DNAH8: variants seen among roughly 807,000 people sequenced by gnomAD.
The protein encoded by DNAH8 is axonemal beta dynein heavy chain 8.
A neutral mutation model predicts 562.1 loss-of-function variants in DNAH8; 382 were observed. The ratio of observed to expected loss-of-function variants is 0.68; its 90% CI spans 0.63 to 0.74. The LOEUF (loss-of-function observed/expected upper bound fraction) is 0.74. DNAH8 is among the 30% of genes least tolerant of loss of function. The pLI is 0.00. For missense variants in DNAH8, 5,203 were observed against 5,620.4 expected (o/e 0.93, Z 2.37); for synonymous variants, 1,881 against 1,919.4 (o/e 0.98, Z 0.52).
At chr6:38,866,060 T>C (rs1777007461) in intron 45 of DNAH8, among the ~76,000 whole-genome samples, 1 of 152,292 alleles carries the variant, frequency 6.6e-6, no homozygotes, top group South Asian at 2.1e-4. Context: ...TTCCCATCAT[T>C]CCCTTCTTTA....
At chr6:38,880,825 C>T (rs1008388876) in intron 53 of DNAH8, among the ~76,000 whole-genome samples, 2 of 152,262 alleles carry the variant, frequency 1.3e-5, no homozygotes, top group Non-Finnish European at 2.9e-5. Flanking sequence ...GTCAGCACTT[C>T]GAGACCAGCC....
At chr6:38,986,718 A>G (rs1378910972) in intron 87 of DNAH8, among the ~76,000 whole-genome samples, 2 of 152,268 alleles carry the variant, frequency 1.3e-5, no homozygotes, top group Non-Finnish European at 2.9e-5. Flanking sequence ...TGATGGGATC[A>G]AGTGCGTGGG....
At chr6:38,732,102 C>T (rs756658146) in intron 4 of DNAH8, among the ~76,000 whole-genome samples, 6 of 152,130 alleles carry the variant, frequency 3.9e-5, no homozygotes, top group Non-Finnish European at 7.4e-5. Context: ...TTATTCTTGA[C>T]TTGGTGTTTG....
chr6:38,779,447 C>A (rs1179152253), intron 14 of DNAH8, among the ~76,000 whole-genome samples: 1 of 152,024 alleles, frequency 6.6e-6, no homozygotes, highest in Non-Finnish European at 1.5e-5. Context: ...CATTTTATTA[C>A]CAGAATGTTG....
chr6:38,784,716 C>T (rs188544467), intron 17 of DNAH8, among the ~76,000 whole-genome samples: 16 of 152,312 alleles, frequency 1.1e-4, no homozygotes, highest in Admixed American at 9.2e-4. Flanking sequence ...TAACAGCAAA[C>T]CTACAAGGAA....
At chr6:38,827,835 A>C (rs893084178) in intron 29 of DNAH8, among the ~76,000 whole-genome samples, 2 of 131,454 alleles carry the variant, frequency 1.5e-5, no homozygotes, top group Non-Finnish European at 3.1e-5. Context: ...TCTTTGGAGT[A>C]TCTCCCACAT....
intron 24 of DNAH8, among the ~76,000 whole-genome samples, chr6:38,811,532 T>A (rs1771792418): frequency 6.6e-6 from 1 of 152,248 alleles, no homozygotes. Context: ...AAATACTTTT[T>A]CCTTATCCTC....
At chr6:39,016,779 C>T (rs1267158459) in intron 91 of DNAH8, among the ~76,000 whole-genome samples, 1 of 152,150 alleles carries the variant, frequency 6.6e-6, no homozygotes, top group Non-Finnish European at 1.5e-5. Context: ...CCCTCATTGA[C>T]CCTCTGGTGA....
At chr6:38,979,336 G>A (rs551308185) in intron 85 of DNAH8, among the ~76,000 whole-genome samples, 32 of 152,162 alleles carry the variant, frequency 2.1e-4, no homozygotes, top group African/African-American at 7.2e-4. Context: ...CATCCTTTTT[G>A]ATATTTTTTA....
At chr6:38,971,795 T>G (rs1763373770) in intron 83 of DNAH8, 130 bp downstream of exon 83, 1 of 594,388 alleles carries the variant, frequency 1.7e-6, no homozygotes, top group Admixed American at 3.7e-5. Flanking sequence ...CCTGTGAATT[T>G]TAAACCTCAG....
chr6:38,862,706 A>G (rs1316659140), intron 44 of DNAH8, among the ~76,000 whole-genome samples: 1 of 152,192 alleles, frequency 6.6e-6, no homozygotes, highest in East Asian at 1.9e-4. Context: ...AATGGAATCA[A>G]TCTATAATTG....
intron 53 of DNAH8, among the ~76,000 whole-genome samples, chr6:38,877,981 G>T (rs1444514231): frequency 6.6e-6 from 1 of 152,168 alleles, no homozygotes; most frequent in East Asian, 1.9e-4. Context: ...AGATCAAATA[G>T]AATTGGCTGT....
In DNAH8 at chr6:38,727,248, G is replaced by A. The variant is rs574601071; in HGVS notation, c.526-2654G>A. On this transcript the variant is annotated intron_variant, in intron 3 of 92. Transcript: ENST00000327475. Reference sequence around the variant, plus strand: ...CACCACAAAAAAGTGGACAACAGAGGGTATGATGGTTACTTTGTTTGCCTC... The same window carrying A: ...CACCACAAAAAAGTGGACAACAGAGAGTATGATGGTTACTTTGTTTGCCTC... 2.6e-3 allele frequency among the ~76,000 whole-genome samples: 395 copies of A among 152,248 alleles called. 4 individuals are homozygous for A. The highest frequency in any genetic ancestry group is 9.2e-3 in the African/African-American group (384 of 41,546).
intron 12 of DNAH8, among the ~76,000 whole-genome samples, chr6:38,773,798 G>T (rs147728268): frequency 5.3e-5 from 8 of 152,300 alleles, no homozygotes; most frequent in Non-Finnish European, 1.2e-4. Context: ...TACGGAAGGG[G>T]CAACTGTTTG....
chr6:38,772,179 C>G lies in DNAH8; in HGVS notation c.1764+1620C>G, dbSNP rs556082568. Among the ~76,000 whole-genome samples the G allele has an allele frequency of 2.0e-5, 3 of 152,036 alleles. No homozygotes were observed. The South Asian group carries it at 6.3e-4, about 32-fold the overall frequency. On this transcript the variant is annotated intron_variant, in intron 12 of 92. Coordinates refer to ENST00000327475, the MANE Select transcript of DNAH8 (RefSeq NM_001206927.2). ...GAGTAGCTGGGACTACAGGTGCCCG[C>G]CACTACGCCCGGCTAATTTTTTGTA...
intron 60 of DNAH8, among the ~76,000 whole-genome samples, chr6:38,896,861 A>G (rs143106086): frequency 0.064 from 9,719 of 152,090 alleles, 338 homozygotes; most frequent in African/African-American, 0.073. Flanking sequence ...ATCTCGGCTC[A>G]CTGCAACCTC....
In DNAH8 at chr6:39,030,670, G is replaced by A. The variant is rs907254081; in HGVS notation, c.*278G>A. 1 of 339,710 alleles carries A rather than the reference G, an allele frequency of 2.9e-6. No homozygotes were observed. Among genetic ancestry groups the A allele is most frequent in the African/African-American group, 2.1e-5 (1 of 47,000 alleles). The allele number at this position is 339,710 out of a possible 1,614,324, so 21.0% of individuals were successfully genotyped here. ...CCTGTTTGGATGTTAGAACACTTTG[G>A]AAGCTCTGAATTTTAAAAATTTGAA... On this transcript the variant is annotated 3_prime_UTR_variant, in exon 93 of 93. Transcript: ENST00000327475.
intron 76 of DNAH8, among the ~76,000 whole-genome samples, chr6:38,934,992 T>A (rs1466159801): frequency 6.6e-6 from 1 of 152,232 alleles, no homozygotes; most frequent in East Asian, 1.9e-4. Context: ...AATATAATTT[T>A]AAAAATATAT....
chr6:38,844,779 C>T (rs753307689), intron 35 of DNAH8, among the ~76,000 whole-genome samples: 1 of 152,178 alleles, frequency 6.6e-6, no homozygotes, highest in Non-Finnish European at 1.5e-5. Context: ...AGGAAGGCTT[C>T]CCTTCAGTAC....
Sources: allele counts gnomAD v4.1 joint callset (sites outside exome capture counted in the v4.1 genomes callset), GRCh38; gene constraint gnomAD v4.1.1; transcripts MANE v1.5; gene names NCBI Gene and HGNC (gene_info 2026-07-23, HGNC 2026-07-21).